The following WWC2 variants were observed in gnomAD, a reference collection of about 807,000 sequenced individuals.
WWC2 encodes WW and C2 domain containing 2.
Under a neutral mutation model 138.5 loss-of-function variants are expected in WWC2, and 101 were observed. The ratio of observed to expected loss-of-function variants is 0.73; its 90% confidence interval spans 0.62 to 0.86. WWC2 has a LOEUF of 0.86. Among genes scored for constraint, WWC2 ranks in the 40% least tolerant of loss-of-function variants. The pLI is 0.00. For synonymous variants in WWC2, 558 were observed against 538.4 expected (o/e 1.04, Z -0.50); for missense variants, 1,420 against 1,419.4 (o/e 1.00, Z -0.01).
chr4:183,275,341 A>G (rs1224275125), intron 16 of WWC2, among the ~76,000 whole-genome samples: 1 of 151,936 alleles, frequency 6.6e-6, no homozygotes, highest in East Asian at 1.9e-4. Context: ...CTTCCCAGAC[A>G]ATATTGAAAG....
intron 4 of WWC2, among the ~76,000 whole-genome samples, chr4:183,227,712 T>C (rs117875529): frequency 6.6e-6 from 1 of 152,192 alleles, no homozygotes; most frequent in East Asian, 1.9e-4. Flanking sequence ...AGTAATAGCT[T>C]ATTTTTTCAT....
rs951740128 is a variant in WWC2 at position 183,240,349 on chromosome 4, C to T, written c.602+87C>T. The T allele has an allele frequency of 7.6e-5, 80 of 1,049,544 alleles. 2 individuals carry two copies. In the South Asian group the frequency reaches 1.6e-3, roughly 20 times the overall value. 65.0% of individuals were successfully genotyped at this position (1,049,544 alleles called of 1,614,324 possible). On this transcript the variant is annotated intron_variant, in intron 5 of 22. Transcript: ENST00000403733. Reference sequence around the variant, plus strand: ...AAAATAGAAGTACAGATTACATAAGCGATTTCTTAAAGAAACGTAAAGTAA... The same window carrying T: ...AAAATAGAAGTACAGATTACATAAGTGATTTCTTAAAGAAACGTAAAGTAA...
intron 1 of WWC2, among the ~76,000 whole-genome samples, chr4:183,125,988 A>G (rs73872922): frequency 0.03 from 4,612 of 152,312 alleles, 241 homozygotes; most frequent in African/African-American, 0.11. Context: ...TTAAGGAGGC[A>G]CTTGCTCTGC....
chr4:183,110,325 ATATT>A (rs1434840964), intron 1 of WWC2, among the ~76,000 whole-genome samples: 1 of 152,132 alleles, frequency 6.6e-6, no homozygotes, highest in African/African-American at 2.4e-5. Flanking sequence ...CATATTGATA[ATATT>A]TATAAAATTA....
At chr4:183,295,853 C>T (rs778894269) in intron 21 of WWC2, among the ~76,000 whole-genome samples, 2 of 152,124 alleles carry the variant, frequency 1.3e-5, no homozygotes, top group South Asian at 2.1e-4. Context: ...ATTCTGTTCT[C>T]AGTGACAGAA....
At chr4:183,213,032 T>A (rs1412207738) in intron 4 of WWC2, among the ~76,000 whole-genome samples, 1 of 152,146 alleles carries the variant, frequency 6.6e-6, no homozygotes. Context: ...TAATAAAAGA[T>A]CAGAAATGAC....
At chr4:183,242,553 C>A (rs1736656651) in intron 5 of WWC2, among the ~76,000 whole-genome samples, 1 of 152,142 alleles carries the variant, frequency 6.6e-6, no homozygotes, top group Admixed American at 6.5e-5. Context: ...CAGGAAGATG[C>A]CTGTTTCCAT....
Position 183,117,259 on chromosome 4 carries a change from C to T in WWC2, c.131+17637C>T, listed in dbSNP as rs1228761241. The stretch of plus-strand genomic sequence containing the variant: ...TTTTTTTGATGGAGTCTTGCTCTGT[C>T]CCCCAGGCTGGAGTGCAATGGCGTG... On this transcript the variant is annotated intron_variant, in intron 1 of 22. Coordinates refer to ENST00000403733, the MANE Select transcript of WWC2 (RefSeq NM_024949.6). Among the ~76,000 whole-genome samples the T allele has an allele frequency of 3.8e-5, 5 of 133,178 alleles. No homozygotes were observed. The East Asian group carries it at 1.1e-3, about 28-fold the overall frequency. 87.4% of individuals were successfully genotyped at this position (133,178 alleles called of 152,430 possible).
intron 22 of WWC2, 86 bp from the exon 23 acceptor site, chr4:183,315,577 A>C (rs1044765542): frequency 1.0e-4 from 92 of 888,780 alleles, no homozygotes; most frequent in African/African-American, 1.4e-4. Flanking sequence ...CATCACTGCC[A>C]CTGCAGGTCT....
intron 1 of WWC2, among the ~76,000 whole-genome samples, chr4:183,182,012 A>G (rs1275412200): frequency 2.0e-5 from 3 of 152,330 alleles, no homozygotes; most frequent in Admixed American, 6.5e-5. Flanking sequence ...AATATGATGT[A>G]TATTTTGTAC....
At chr4:183,124,155 A>G (rs1282251013) in intron 1 of WWC2, among the ~76,000 whole-genome samples, 3 of 152,306 alleles carry the variant, frequency 2.0e-5, no homozygotes, top group South Asian at 4.1e-4. Context: ...TTAGTTATCT[A>G]TTTGGTAGCA....
chr4:183,253,947 G>T lies in WWC2; in HGVS notation c.1144G>T (p.Glu382Ter). 1 of 1,613,898 alleles carries T rather than the reference G, an allele frequency of 6.2e-7. No homozygotes were observed. Among genetic ancestry groups the T allele is most frequent in the Non-Finnish European group, 8.5e-7 (1 of 1,179,866 alleles). Residue 382 changes from glutamate to a stop codon, truncating the protein, a stop_gained, in exon 9 of 23, where the codon GAA (glutamate) becomes TAA (stop). Transcript: ENST00000403733. LOFTEE classifies it high-confidence loss of function. ...CCTAGAAGCTGAAAGGCAGCGGCTG[G>T]AAGAAGAGTTGCTGTCTGTGAGGGG... is the stretch of plus-strand genomic sequence containing the variant. ...ERLEAERQRL[E>*]EELLSVRGTP...
Position 183,316,488 on chromosome 4 carries a change from C to A in WWC2, c.*759C>A, listed in dbSNP as rs1356195594. 2 of 152,198 alleles carry A rather than the reference C, an allele frequency of 1.3e-5. No homozygotes were observed. Among genetic ancestry groups the A allele is most frequent in the Non-Finnish European group, 2.9e-5 (2 of 68,038 alleles). 9.4% of individuals were successfully genotyped at this position (152,198 alleles called of 1,614,324 possible). The stretch of plus-strand genomic sequence containing the variant: ...AGCCACGCAGAGATACAAATAAGCT[C>A]ATCAAATGAGCAGCTGGTTTGTCTC... On this transcript the variant is annotated 3_prime_UTR_variant, in exon 23 of 23. Coordinates refer to ENST00000403733, the MANE Select transcript of WWC2 (RefSeq NM_024949.6).
intron 14 of WWC2, among the ~76,000 whole-genome samples, chr4:183,267,209 G>C (rs1737532973): frequency 6.6e-6 from 1 of 152,038 alleles, no homozygotes; most frequent in Non-Finnish European, 1.5e-5. Flanking sequence ...GGTAGGATAG[G>C]ATTCCAGGAG....
intron 5 of WWC2, among the ~76,000 whole-genome samples, chr4:183,243,268 GA>G (rs1736673364): frequency 6.6e-6 from 1 of 152,136 alleles, no homozygotes; most frequent in Non-Finnish European, 1.5e-5. Flanking sequence ...CAAACAGGAA[GA>G]AATTACTTGA....
intron 2 of WWC2, among the ~76,000 whole-genome samples, chr4:183,202,708 A>T (rs1029933631): frequency 1.6e-4 from 25 of 152,124 alleles, no homozygotes; most frequent in African/African-American, 6.0e-4. Flanking sequence ...TATATAATTC[A>T]TTTGTTACAG....
In WWC2 at chr4:183,248,840, C is replaced by T; in HGVS notation, c.859C>T (p.Gln287Ter). 3 of 1,599,628 alleles carry T rather than the reference C, an allele frequency of 1.9e-6. No individual in the cohort carries two copies. The highest frequency in any genetic ancestry group is 2.6e-6 in the Non-Finnish European group (3 of 1,171,696). Residue 287 changes from glutamine (Q) to a stop codon, truncating the protein, a stop_gained, in exon 7 of 23, where the codon CAA becomes TAA. Coordinates refer to ENST00000403733, the MANE Select transcript of WWC2 (RefSeq NM_024949.6). LOFTEE classifies it high-confidence loss of function. ...LSRQTLDAGS[Q>*]TSISGDIGVR... ...CAGACAGACCCTTGATGCTGGGTCA[C>T]AAACAAGCATTTCCGGAGATGTAAG...
intron 1 of WWC2, among the ~76,000 whole-genome samples, chr4:183,156,737 A>G (rs765390276): frequency 6.6e-6 from 1 of 152,194 alleles, no homozygotes; most frequent in South Asian, 2.1e-4. Flanking sequence ...AGCTAAGTAC[A>G]ATTTATCTTT....
chr4:183,192,723 G>A (rs577223243), intron 1 of WWC2, among the ~76,000 whole-genome samples: 31 of 152,248 alleles, frequency 2.0e-4, no homozygotes, highest in African/African-American at 7.5e-4. Flanking sequence ...TGCTAGTGGT[G>A]CTAGTGCATT....
Sources: gnomAD v4.1 joint callset for allele counts (sites outside exome capture counted in the v4.1 genomes callset) on GRCh38, gnomAD v4.1.1 for gene constraint, MANE v1.5 for transcripts, NCBI Gene and HGNC (gene_info 2026-07-23, HGNC 2026-07-21) for gene names.